The following MUSK variants were observed in gnomAD, a reference collection of about 807,000 sequenced individuals.
The protein encoded by MUSK is muscle, skeletal receptor tyrosine-protein kinase.
In MUSK, 55 loss-of-function variants were observed where a neutral mutation model predicts 88.7. The observed-to-expected ratio is 0.62, with a 90% CI of 0.50 to 0.78. The LOEUF is 0.78. Ranked by LOEUF, MUSK falls within the 30% of genes least tolerant of loss-of-function variation. MUSK has a pLI of 0.00. For synonymous variants in MUSK, 387 were observed against 391.9 expected (o/e 0.99, Z 0.15); for missense variants, 1,015 against 1,074.3 (o/e 0.94, Z 0.77).
Position 110,734,338 on chromosome 9 carries a change from C to T in MUSK, c.716C>T (p.Pro239Leu). ...CTGCACTGTACAGCAACAGGCATTC[C>T]TGTCCCCACCATCACCTGGATTGAA... ...VTLHCTATGI[P>L]VPTITWIENG... is the part of the protein sequence containing the mutation. Residue 239 changes from proline to leucine, a missense_variant, in exon 6 of 15, where the codon CCT (proline) becomes CTT (leucine). Pro to Leu is a moderately conservative substitution (Grantham distance 98). Coordinates refer to ENST00000374448, the MANE Select transcript of MUSK (RefSeq NM_005592.4). 6.2e-7 allele frequency: 1 copy of T among 1,613,278 alleles called. No individual in the cohort carries two copies. Among genetic ancestry groups the T allele is most frequent in the Non-Finnish European group, 8.5e-7 (1 of 1,179,480 alleles).
chr9:110,687,890 T>G (rs2076218611), intron 3 of MUSK, among the ~76,000 whole-genome samples: 1 of 152,124 alleles, frequency 6.6e-6, no homozygotes. Context: ...ACATTTACCC[T>G]ACACCTGTGA....
chr9:110,739,544 A>T (rs1417773211), intron 6 of MUSK, among the ~76,000 whole-genome samples: 1 of 152,140 alleles, frequency 6.6e-6, no homozygotes, highest in East Asian at 1.9e-4. Flanking sequence ...ATCATAAACC[A>T]TCCAGCATTG....
At chr9:110,739,054 T>A (rs746184229) in intron 6 of MUSK, among the ~76,000 whole-genome samples, 1 of 152,150 alleles carries the variant, frequency 6.6e-6, no homozygotes, top group East Asian at 1.9e-4. Context: ...ACCATTGGAC[T>A]CTGTCTTCTT....
At chr9:110,702,288 G>A (rs1341339003) in intron 5 of MUSK, among the ~76,000 whole-genome samples, 2 of 151,988 alleles carry the variant, frequency 1.3e-5, no homozygotes, top group Non-Finnish European at 2.9e-5. Flanking sequence ...TAATGGGACA[G>A]GTGCTCATCT....
chr9:110,801,533 A>G lies in MUSK; in HGVS notation c.*545A>G, dbSNP rs893017306. The G allele has an allele frequency of 6.6e-6, 1 of 152,176 alleles. No homozygotes were observed. Among genetic ancestry groups the G allele is most frequent in the East Asian group, 1.9e-4 (1 of 5,196 alleles). 9.4% of individuals were successfully genotyped at this position (152,176 alleles called of 1,614,324 possible). A position where few individuals can be genotyped will look rare whatever the true frequency, so the allele number is the denominator to read the frequency against. The stretch of plus-strand genomic sequence containing the variant: ...TTTCTTGCATTTAATGCATAATTTT[A>G]TATTTGTTTGTATTCTGCAGAGTTG... On this transcript the variant is annotated 3_prime_UTR_variant, in exon 15 of 15. Transcript: ENST00000374448.
At chr9:110,761,483 G>A (rs1564273271) in intron 7 of MUSK, among the ~76,000 whole-genome samples, 1 of 144,992 alleles carries the variant, frequency 6.9e-6, no homozygotes, top group African/African-American at 2.6e-5. Flanking sequence ...TCCTCTGCAT[G>A]TTCTTTTCTT....
chr9:110,689,683 C>CTATATATAGTTATATATAAA (rs2076269559), intron 3 of MUSK, among the ~76,000 whole-genome samples: 1 of 61,448 alleles, frequency 1.6e-5, no homozygotes, highest in Non-Finnish European at 2.6e-5. Context: ...TTATATATAA[C>CTATATATAGTTATATATAAA]TATATATAGT....
chr9:110,723,641 C>G (rs552537472), intron 5 of MUSK, among the ~76,000 whole-genome samples: 10 of 152,170 alleles, frequency 6.6e-5, no homozygotes, highest in African/African-American at 2.2e-4. Context: ...ACTTGAAAGG[C>G]AGTCTTCAAG....
chr9:110,734,434 G>A, intron 6 of MUSK, 59 bp downstream of exon 6: 1 of 1,607,586 alleles, frequency 6.2e-7, no homozygotes, highest in South Asian at 1.1e-5. Context: ...TGAACTTCAG[G>A]ATAGACCATA....
chr9:110,772,012 C>A (rs1208197127), intron 9 of MUSK, among the ~76,000 whole-genome samples: 2 of 151,516 alleles, frequency 1.3e-5, no homozygotes, highest in African/African-American at 2.4e-5. Context: ...TTATATACAA[C>A]AACCGCTTTA....
chr9:110,741,806 G>C (rs1587979156), intron 6 of MUSK, among the ~76,000 whole-genome samples: 1 of 152,272 alleles, frequency 6.6e-6, no homozygotes, highest in African/African-American at 2.4e-5. Context: ...GGTAGAATGA[G>C]AATTAGATGG....
chr9:110,789,450 G>C (rs576734), intron 14 of MUSK, among the ~76,000 whole-genome samples: 2 of 152,046 alleles, frequency 1.3e-5, no homozygotes, highest in African/African-American at 4.8e-5. Flanking sequence ...GAAGGAACAG[G>C]TTCCTTTAGT....
chr9:110,781,753 T>C (rs750287168), intron 11 of MUSK, among the ~76,000 whole-genome samples: 13 of 152,334 alleles, frequency 8.5e-5, no homozygotes, highest in South Asian at 4.1e-4. Flanking sequence ...CTTCTCCCTG[T>C]GTCCTCACAT....
chr9:110,799,123 C>T (rs1354031327), intron 14 of MUSK, among the ~76,000 whole-genome samples: 1 of 151,904 alleles, frequency 6.6e-6, no homozygotes, highest in African/African-American at 2.4e-5. Context: ...TTATTTTTTC[C>T]CTTTAGTTTA....
chr9:110,740,199 A>T (rs1206002658), intron 6 of MUSK, among the ~76,000 whole-genome samples: 1 of 152,154 alleles, frequency 6.6e-6, no homozygotes, highest in Non-Finnish European at 1.5e-5. Flanking sequence ...TCTCTTCTCC[A>T]GGATTACATT....
intron 3 of MUSK, among the ~76,000 whole-genome samples, chr9:110,689,799 A>G (rs1265468813): frequency 2.8e-4 from 17 of 59,778 alleles, no homozygotes; most frequent in South Asian, 1.5e-3. Context: ...TTTTTAATAT[A>G]TAATATATAA....
chr9:110,798,295 T>G (rs936904171), intron 14 of MUSK, among the ~76,000 whole-genome samples: 24 of 152,218 alleles, frequency 1.6e-4, no homozygotes, highest in African/African-American at 5.8e-4. Flanking sequence ...TTGAACATGT[T>G]CGTATCTTAA....
chr9:110,728,757 G>C, intron 5 of MUSK: 1 of 1,518,806 alleles, frequency 6.6e-7, no homozygotes. Flanking sequence ...TTTTAATTGT[G>C]TAGCTCTTTT....
At chr9:110,771,444 T>C (rs1564281662) in intron 9 of MUSK, among the ~76,000 whole-genome samples, 1 of 152,166 alleles carries the variant, frequency 6.6e-6, no homozygotes, top group Non-Finnish European at 1.5e-5. Flanking sequence ...ATCGTCGTTC[T>C]GATTTCTCTG....
Sources: allele counts gnomAD v4.1 joint callset (sites outside exome capture counted in the v4.1 genomes callset), GRCh38; gene constraint gnomAD v4.1.1; transcripts MANE v1.5; gene names NCBI Gene and HGNC (gene_info 2026-07-23, HGNC 2026-07-21).